Variants in NPSR1 observed in about 807,000 individuals in gnomAD.
NPSR1 encodes the protein neuropeptide S receptor.
A neutral mutation model predicts 46.9 loss-of-function variants in NPSR1; 48 were observed. The observed-to-expected ratio is 1.02, with a 90% CI of 0.81 to 1.30. NPSR1 has a LOEUF of 1.30. Among genes scored for constraint, NPSR1 ranks in the 50% most tolerant of loss-of-function variants. The pLI is 0.00. For missense variants in NPSR1, 450 were observed against 449.5 expected, an observed-to-expected ratio of 1.00 and a Z score of -0.01; for synonymous variants, 176 against 168.1, an observed-to-expected ratio of 1.05 and a Z score of -0.36.
At chr7:34,823,148 C>G (rs944062735) in intron 4 of NPSR1, among the ~76,000 whole-genome samples, 1 of 151,924 alleles carries the variant, frequency 6.6e-6, no homozygotes, top group African/African-American at 2.4e-5. Flanking sequence ...CCCAGCACTT[C>G]GGGAGGCTGA....
At chr7:34,758,158 T>G (rs1785967578) in intron 2 of NPSR1, 1 of 152,658 alleles carries the variant, frequency 6.6e-6, no homozygotes, top group Non-Finnish European at 1.5e-5. Context: ...GATGATTAAA[T>G]TAGTTCTTCT....
chr7:34,833,141 G>A (rs993906677), intron 5 of NPSR1, among the ~76,000 whole-genome samples: 2 of 152,180 alleles, frequency 1.3e-5, no homozygotes, highest in African/African-American at 4.8e-5. Flanking sequence ...AAAGCAATTA[G>A]TGCTTTGTCG....
intron 2 of NPSR1, among the ~76,000 whole-genome samples, chr7:34,693,137 C>T (rs1793350200): frequency 6.6e-6 from 1 of 152,114 alleles, no homozygotes; most frequent in African/African-American, 2.4e-5. Flanking sequence ...CTTCGCTTTG[C>T]CTTCCATTAT....
At chr7:34,761,322 T>C (rs1786162711) in intron 2 of NPSR1, 1 of 152,220 alleles carries the variant, frequency 6.6e-6, no homozygotes, top group South Asian at 2.1e-4. Context: ...TAGACTCTTC[T>C]ACTATAACTT....
intron 1 of NPSR1, among the ~76,000 whole-genome samples, chr7:34,662,844 C>T (rs2530561): frequency 0.1 from 15,735 of 152,104 alleles, 909 homozygotes; most frequent in African/African-American, 0.15. Flanking sequence ...AAACTATAGA[C>T]GCTAGTATTT....
intron 3 of NPSR1, among the ~76,000 whole-genome samples, chr7:34,788,527 T>A (rs553115874): frequency 6.6e-6 from 1 of 152,030 alleles, no homozygotes; most frequent in East Asian, 1.9e-4. Flanking sequence ...TTACATCACA[T>A]AGAATAGACT....
intron 2 of NPSR1, among the ~76,000 whole-genome samples, chr7:34,690,011 A>G (rs1160893989): frequency 2.6e-5 from 4 of 152,124 alleles, no homozygotes; most frequent in Non-Finnish European, 5.9e-5. Context: ...ACAGCACTGG[A>G]AAATGTAATA....
At chr7:34,793,209 T>C (rs1176646570) in intron 3 of NPSR1, among the ~76,000 whole-genome samples, 1 of 151,788 alleles carries the variant, frequency 6.6e-6, no homozygotes, top group Non-Finnish European at 1.5e-5. Context: ...ACAAATGGGA[T>C]TGCAGGAAAC....
chr7:34,665,869 C>G (rs952291095), intron 1 of NPSR1, among the ~76,000 whole-genome samples: 1 of 152,130 alleles, frequency 6.6e-6, no homozygotes, highest in Non-Finnish European at 1.5e-5. Flanking sequence ...GTGACAGACA[C>G]ACATGCCCAC....
intron 1 of NPSR1, among the ~76,000 whole-genome samples, chr7:34,679,084 C>G (rs1214213962): frequency 6.6e-6 from 1 of 151,852 alleles, no homozygotes; most frequent in African/African-American, 2.4e-5. Flanking sequence ...ATTAAGCATT[C>G]AATGTCTTAA....
chr7:34,857,982 A>C (rs928943316), intron 8 of NPSR1, among the ~76,000 whole-genome samples: 6 of 151,874 alleles, frequency 4.0e-5, no homozygotes, highest in Admixed American at 1.3e-4. Context: ...AAAGTAAATT[A>C]AATCACAATG....
intron 4 of NPSR1, among the ~76,000 whole-genome samples, chr7:34,819,092 T>G (rs1789412969): frequency 6.6e-6 from 1 of 152,026 alleles, no homozygotes; most frequent in South Asian, 2.1e-4. Flanking sequence ...ACTAAAGAGC[T>G]TCTGCACAGC....
intron 2 of NPSR1, among the ~76,000 whole-genome samples, chr7:34,700,996 G>A (rs1793799042): frequency 1.3e-5 from 2 of 152,172 alleles, no homozygotes; most frequent in African/African-American, 4.8e-5. Context: ...CAAAAGGCTT[G>A]AATTTCACTG....
chr7:34,804,379 C>A (rs1025293124), intron 3 of NPSR1, among the ~76,000 whole-genome samples: 1 of 151,924 alleles, frequency 6.6e-6, no homozygotes, highest in African/African-American at 2.4e-5. Context: ...ATTTAAAAAT[C>A]AATTAATATA....
intron 2 of NPSR1, among the ~76,000 whole-genome samples, chr7:34,744,255 G>C (rs986993261): frequency 1.3e-5 from 2 of 151,964 alleles, no homozygotes; most frequent in Admixed American, 6.6e-5. Context: ...GCATTAAAAA[G>C]ATTTTTATCT....
At chr7:34,661,298 C>T (rs1021082454) in intron 1 of NPSR1, among the ~76,000 whole-genome samples, 2 of 152,048 alleles carry the variant, frequency 1.3e-5, no homozygotes, top group African/African-American at 2.4e-5. Context: ...AGACCAAAGT[C>T]GGTTCTAGAT....
chr7:34,666,471 T>C (rs561450516), intron 1 of NPSR1, among the ~76,000 whole-genome samples: 19 of 152,306 alleles, frequency 1.2e-4, no homozygotes, highest in Non-Finnish European at 2.6e-4. Context: ...AGCGGAAAGA[T>C]ATTGCTGGCA....
intron 3 of NPSR1, 123 bp downstream of exon 3, chr7:34,778,688 G>A: frequency 1.8e-6 from 1 of 569,152 alleles, no homozygotes; most frequent in Non-Finnish European, 3.1e-6. Flanking sequence ...TTTCTCCTGG[G>A]TAGAAGGGCA....
chr7:34,781,744 A>G (rs1464006519), intron 3 of NPSR1, among the ~76,000 whole-genome samples: 1 of 152,156 alleles, frequency 6.6e-6, no homozygotes, highest in East Asian at 1.9e-4. Context: ...CCCTGGAGCC[A>G]TGGCCACCCT....
Sources: allele counts gnomAD v4.1 joint callset (sites outside exome capture counted in the v4.1 genomes callset), GRCh38; gene constraint gnomAD v4.1.1; transcripts MANE v1.5; gene names NCBI Gene and HGNC (gene_info 2026-07-23, HGNC 2026-07-21).